Variants in MDN1 observed in about 807,000 individuals in gnomAD.
MDN1 encodes the protein midasin AAA ATPase 1.
In MDN1, 266 loss-of-function variants were observed where a neutral mutation model predicts 669.2. The observed-to-expected ratio is 0.40, with a 90% CI of 0.36 to 0.44. MDN1 has a LOEUF of 0.44. MDN1 is among the 20% of genes least tolerant of loss of function. MDN1 has a pLI of 1.00. For synonymous variants in MDN1, 2,385 were observed against 2,457.1 expected, an observed-to-expected ratio of 0.97 and a Z score of 0.87; for missense variants, 5,940 against 6,754.0, an observed-to-expected ratio of 0.88 and a Z score of 4.22.
At chr6:89,816,804 A>G (rs1394347551) in intron 1 of MDN1, among the ~76,000 whole-genome samples, 3 of 151,488 alleles carry the variant, frequency 2.0e-5, no homozygotes, top group Non-Finnish European at 4.4e-5. Context: ...CCACCTGAGT[A>G]GCTGGGACTA....
Position 89,771,704 on chromosome 6 carries a change from T to C in MDN1, c.2084-83A>G, listed in dbSNP as rs1323931226. Reference sequence around the variant, plus strand: ...AGTGTGCTCCTTAAGGCTGTGGGAATATGGCATAGGGCTTTATTTTTTGAG... The same window carrying C: ...AGTGTGCTCCTTAAGGCTGTGGGAACATGGCATAGGGCTTTATTTTTTGAG... On this transcript the variant is annotated intron_variant, in intron 14 of 101. Coordinates refer to ENST00000369393, the MANE Select transcript of MDN1 (RefSeq NM_014611.3). The C allele has an allele frequency of 5.0e-6, 6 of 1,193,800 alleles. No homozygotes were observed. In the Admixed American group the frequency reaches 9.2e-5, roughly 18 times the overall value. The allele number at this position is 1,193,800 out of a possible 1,614,324, so 74.0% of individuals were successfully genotyped here. A position where few individuals can be genotyped will look rare whatever the true frequency, so the allele number is the denominator to read the frequency against.
chr6:89,807,428 T>A (rs1352150259), intron 1 of MDN1, among the ~76,000 whole-genome samples: 2 of 152,228 alleles, frequency 1.3e-5, no homozygotes, highest in Non-Finnish European at 2.9e-5. Context: ...TTTCATTGTG[T>A]TGTTTCTGTT....
At chr6:89,810,757 G>A (rs1768363482) in intron 1 of MDN1, among the ~76,000 whole-genome samples, 1 of 152,092 alleles carries the variant, frequency 6.6e-6, no homozygotes, top group African/African-American at 2.4e-5. Flanking sequence ...CAGCACTCTC[G>A]GAGGCTGAGG....
chr6:89,771,336 A>G (rs1818068249), intron 15 of MDN1, among the ~76,000 whole-genome samples: 1 of 152,092 alleles, frequency 6.6e-6, no homozygotes, highest in South Asian at 2.1e-4. Flanking sequence ...TTCCCACTTT[A>G]GCCCCTTAAA....
Position 89,693,006 on chromosome 6 carries a change from C to T in MDN1, c.10024G>A (p.Ala3342Thr), listed in dbSNP as rs774393416. ...HYVTSIAKAP[A>T]VQDLLTRLLQ... ...AGCCGTGTGAGCAGATCCTGAACAG[C>T]AGGGGCCTTGGCGATGCTGGTGACG... Residue 3342 changes from alanine (A) to threonine (T), a missense_variant, in exon 63 of 102, where the codon GCT (alanine) becomes ACT (threonine). Ala to Thr is a moderately conservative substitution (Grantham distance 58, BLOSUM62 0). Around this residue, in one of 5 missense-constraint regions of MDN1, gnomAD observed 150 missense variants for 234.2 expected, o/e 0.64. Transcript: ENST00000369393. 6.2e-7 allele frequency: 1 copy of T among 1,614,192 alleles called. No homozygotes were observed. The highest frequency in any genetic ancestry group is 8.5e-7 in the Non-Finnish European group (1 of 1,180,028).
chr6:89,754,176 G>A lies in MDN1; in HGVS notation c.2871C>T (p.Gly957=), dbSNP rs1240078917. ...TCCGAAGGCTGTAGTGAGGTCTATGGCCAGTGCCATCCACCAGTTTGGTCC... is the reference window on the plus strand; with the variant it reads ...TCCGAAGGCTGTAGTGAGGTCTATGACCAGTGCCATCCACCAGTTTGGTCC... The part of the protein sequence containing the change: ...ESGTKLVDGT[G]HRPHYSLRTL... The change falls in exon 21 of 102, where the codon GGC becomes GGT. Residue 957 remains glycine (G), a synonymous_variant. Transcript: ENST00000369393. The A allele has an allele frequency of 1.2e-6, 2 of 1,613,990 alleles. No individual in the cohort carries two copies. The highest frequency in any genetic ancestry group is 1.3e-5 in the African/African-American group (1 of 74,922).
intron 48 of MDN1, 49 bp from the exon 49 acceptor site, chr6:89,712,305 T>C: frequency 6.8e-7 from 1 of 1,476,826 alleles, no homozygotes; most frequent in Non-Finnish European, 9.3e-7. Context: ...AACCTTTTAT[T>C]TCACATTCCA....
Position 89,751,452 on chromosome 6 carries a change from A to G in MDN1, c.3206T>C (p.Ile1069Thr), listed in dbSNP as rs145864488. Residue 1069 changes from isoleucine (I) to threonine (T), a missense_variant, in exon 23 of 102, where the codon ATA (isoleucine) becomes ACA (threonine). Ile to Thr is a moderately conservative substitution (Grantham distance 89, BLOSUM62 -1). This residue lies in a region of MDN1 where 15 missense variants were observed against 36.2 expected (regional missense o/e 0.41). Coordinates refer to ENST00000369393, the MANE Select transcript of MDN1 (RefSeq NM_014611.3). ...TSSVKLNLRD[I>T]VRVVSAGTYP... is the part of the protein sequence containing the mutation. ...ACACCCTGCAGAGACAACTCGGACT[A>G]TATCTCTCAGGTTCAGCTTCACAGA... The G allele has an allele frequency of 2.0e-3, 3,155 of 1,614,146 alleles. 7 individuals are homozygous for G. Among genetic ancestry groups the G allele is most frequent in the Non-Finnish European group, 2.4e-3 (2,809 of 1,180,022 alleles).
intron 19 of MDN1, 105 bp downstream of exon 19, chr6:89,758,150 C>A: frequency 1.2e-6 from 1 of 841,908 alleles, no homozygotes; most frequent in Admixed American, 2.3e-5. Context: ...ACTGCTTGAA[C>A]CGGGGACTTG....
At chr6:89,670,029 C>T (rs979458906) in intron 83 of MDN1, among the ~76,000 whole-genome samples, 3 of 150,276 alleles carry the variant, frequency 2.0e-5, no homozygotes, top group African/African-American at 7.4e-5. Flanking sequence ...GTGGTGAAAC[C>T]CTGTCTCTAC....
At chr6:89,709,661 G>A (rs542334909) in intron 50 of MDN1, among the ~76,000 whole-genome samples, 2 of 152,166 alleles carry the variant, frequency 1.3e-5, no homozygotes, top group South Asian at 4.1e-4. Flanking sequence ...AAACCAAATG[G>A]CCAGTGGTAT....
chr6:89,719,455 C>G (rs929397648), intron 40 of MDN1, among the ~76,000 whole-genome samples: 2 of 152,186 alleles, frequency 1.3e-5, no homozygotes, highest in African/African-American at 4.8e-5. Flanking sequence ...TCCAAACTAT[C>G]TGAGATTCCA....
In MDN1 at chr6:89,794,776, T is replaced by C; in HGVS notation, c.355A>G (p.Thr119Ala). Residue 119 changes from threonine to alanine, a missense_variant, in exon 3 of 102, where the codon ACA (threonine) becomes GCA (alanine). This residue lies in a region of MDN1 where 1,203 missense variants were observed against 1,268.9 expected (regional missense o/e 0.95). Coordinates refer to ENST00000369393, the MANE Select transcript of MDN1 (RefSeq NM_014611.3). Reference sequence around the variant, plus strand: ...AAAAGTCTTTGAAAGACTGGGGATGTGTCCTTGAAATATCTCAGGGCAAAC... The same window carrying C: ...AAAAGTCTTTGAAAGACTGGGGATGCGTCCTTGAAATATCTCAGGGCAAAC... The part of the protein sequence containing the change: ...LPFALRYFKD[T>A]SPVFQRLFLE... 2 of 1,614,198 alleles carry C rather than the reference T, an allele frequency of 1.2e-6. No individual in the cohort carries two copies. Among genetic ancestry groups the C allele is most frequent in the Non-Finnish European group, 1.7e-6 (2 of 1,180,000 alleles).
rs1401451670 is a variant in MDN1 at position 89,693,116 on chromosome 6, T to C, written c.9914A>G (p.Asn3305Ser). Residue 3305 changes from asparagine (N) to serine (S), a missense_variant, in exon 63 of 102, where the codon AAT becomes AGT. Around this residue, in one of 5 missense-constraint regions of MDN1, gnomAD observed 150 missense variants for 234.2 expected, o/e 0.64. Coordinates refer to ENST00000369393, the MANE Select transcript of MDN1 (RefSeq NM_014611.3). ...TTTCTTCAACAGGTGACAGGTTAAA[T>C]TATCCAGCCGATCCATCCTTTGGCG... ...LLRQRMDRLD[N>S]LTCHLLKKQA... 38 of 1,607,784 alleles carry C rather than the reference T, an allele frequency of 2.4e-5. No individual in the cohort carries two copies. The highest frequency in any genetic ancestry group is 3.1e-5 in the Non-Finnish European group (37 of 1,177,532).
Position 89,692,647 on chromosome 6 carries a change from C to A in MDN1, c.10383G>T (p.Ser3461=), listed in dbSNP as rs115817196. The A allele has an allele frequency of 3.1e-6, 5 of 1,614,230 alleles. No individual in the cohort carries two copies. In the African/African-American group the frequency reaches 4.0e-5, roughly 13 times the overall value. The change falls in exon 63 of 102, where the codon TCG becomes TCT. Residue 3461 remains serine, a synonymous_variant. Transcript: ENST00000369393. Reference sequence around the variant, plus strand: ...CTCGTAGAACCTCCTCAGACTTCACCGAGCACAAAGTGTCTGCATGAGCAT... The same window carrying A: ...CTCGTAGAACCTCCTCAGACTTCACAGAGCACAAAGTGTCTGCATGAGCAT... ...TYYAHADTLC[S]VKSEEVLRGL...
At chr6:89,767,391 G>A (rs1205855977) in intron 15 of MDN1, among the ~76,000 whole-genome samples, 1 of 152,134 alleles carries the variant, frequency 6.6e-6, no homozygotes, top group Non-Finnish European at 1.5e-5. Context: ...TTGCTATAAT[G>A]TAAATAATTT....
At chr6:89,682,985 A>T in intron 73 of MDN1, 147 bp downstream of exon 73, 1 of 787,870 alleles carries the variant, frequency 1.3e-6, no homozygotes, top group Non-Finnish European at 2.0e-6. Context: ...TCTGCAGGGA[A>T]GTCAGGCAAA....
At position 89,643,242 on chromosome 6, in the gene MDN1, A is replaced by C. The variant is rs1808277953; in HGVS notation, c.*763T>G. 6.6e-6 allele frequency: 1 copy of C among 152,192 alleles called. No homozygotes were observed. The highest frequency in any genetic ancestry group is 2.4e-5 in the African/African-American group (1 of 41,446). The allele number at this position is 152,192 out of a possible 1,614,324, so 9.4% of individuals were successfully genotyped here. A position where few individuals can be genotyped will look rare whatever the true frequency, so the allele number is the denominator to read the frequency against. On this transcript the variant is annotated 3_prime_UTR_variant, in exon 102 of 102. Transcript: ENST00000369393. ...TAAGAAAAAAAAAAATGAACTAAACAAATAAATTACTACAACAACAGGGAC... is the reference window on the plus strand; with the variant it reads ...TAAGAAAAAAAAAAATGAACTAAACCAATAAATTACTACAACAACAGGGAC...
rs370875568 is a variant in MDN1 at position 89,723,545 on chromosome 6, A to T, written c.5745T>A (p.Asn1915Lys). Residue 1915 changes from asparagine (N) to lysine (K), a missense_variant, in exon 39 of 102, where the codon AAT becomes AAA. Asn to Lys is a moderately conservative substitution (Grantham distance 94). This residue lies in a region of MDN1 where 2,292 missense variants were observed against 2,638.3 expected (regional missense o/e 0.87). Transcript: ENST00000369393. ...ASTLFPAIEK[N>K]IVKKMVAFNN... ...TGAAAGCAACCATTTTCTTAACAAT[A>T]TTTTTCTCAATGGCTGGAAACAAAG... 9.8e-5 allele frequency: 157 copies of T among 1,597,032 alleles called. No homozygotes were observed. Among genetic ancestry groups the T allele is most frequent in the Non-Finnish European group, 1.2e-4 (143 of 1,167,532 alleles).
Sources: gnomAD v4.1 joint callset for allele counts (sites outside exome capture counted in the v4.1 genomes callset) on GRCh38, gnomAD v4.1.1 for gene constraint, gnomAD v4.1.1 regional missense constraint, MANE v1.5 for transcripts, NCBI Gene and HGNC (gene_info 2026-07-23, HGNC 2026-07-21) for gene names.